ATXN7L1: variants seen among roughly 807,000 people sequenced by gnomAD.
The protein encoded by ATXN7L1 is ataxin 7 like 1.
A neutral mutation model predicts 70.8 loss-of-function variants in ATXN7L1; 15 were observed. The observed-to-expected ratio is 0.21, with a 90% CI of 0.14 to 0.33. ATXN7L1 has a LOEUF of 0.33. Among genes scored for constraint, ATXN7L1 ranks in the 10% least tolerant of loss-of-function variants. ATXN7L1 has a pLI of 1.00. For synonymous variants in ATXN7L1, 440 were observed against 445.1 expected, an observed-to-expected ratio of 0.99 and a Z score of 0.14; for missense variants, 975 against 1,097.1, an observed-to-expected ratio of 0.89 and a Z score of 1.57.
chr7:105,797,137 G>A (rs1180167889), intron 2 of ATXN7L1, among the ~76,000 whole-genome samples: 3 of 152,196 alleles, frequency 2.0e-5, no homozygotes, highest in East Asian at 3.9e-4. Flanking sequence ...GCGTGCAGGC[G>A]GCAGCAGCAA....
chr7:105,834,662 T>C (rs1195862689), intron 2 of ATXN7L1, among the ~76,000 whole-genome samples: 2 of 152,190 alleles, frequency 1.3e-5, no homozygotes, highest in Non-Finnish European at 2.9e-5. Context: ...TCTGTAAGTT[T>C]CTTGAGAGAG....
intron 2 of ATXN7L1, among the ~76,000 whole-genome samples, chr7:105,824,621 GAGT>G (rs1157036657): frequency 1.3e-5 from 2 of 152,070 alleles, no homozygotes; most frequent in Non-Finnish European, 2.9e-5. Flanking sequence ...GAAACTGATA[GAGT>G]TTTAGAATCC....
intron 3 of ATXN7L1, among the ~76,000 whole-genome samples, chr7:105,717,068 G>T (rs1783294813): frequency 6.6e-6 from 1 of 152,040 alleles, no homozygotes; most frequent in Non-Finnish European, 1.5e-5. Context: ...ATCATACTAA[G>T]CATTGTTTTA....
chr7:105,755,135 T>C lies in ATXN7L1; in HGVS notation c.355+33469A>G, dbSNP rs558276142. Among the ~76,000 whole-genome samples the C allele has an allele frequency of 2.6e-5, 4 of 152,334 alleles. No individual in the cohort carries two copies. In the East Asian group the frequency reaches 7.7e-4, roughly 29 times the overall value. On this transcript the variant is annotated intron_variant, in intron 3 of 11. Coordinates refer to ENST00000419735, the MANE Select transcript of ATXN7L1 (RefSeq NM_020725.2). ...CGCCGGTTTCCAGAGTCATACTCTT[T>C]ATGGTTTTACCCTCTTTTGGAACTC...
intron 3 of ATXN7L1, among the ~76,000 whole-genome samples, chr7:105,725,582 CCT>C (rs1795707356): frequency 7.2e-6 from 1 of 138,264 alleles, no homozygotes; most frequent in Non-Finnish European, 1.5e-5. Flanking sequence ...ATTTCCATTT[CCT>C]TTTTTTTTTT....
Position 105,710,325 on chromosome 7 carries a change from A to G in ATXN7L1, c.356-45037T>C, listed in dbSNP as rs543072340. On this transcript the variant is annotated intron_variant, in intron 3 of 11. Transcript: ENST00000419735. Reference sequence around the variant, plus strand: ...CTCAGGAAACTTACAATCATGGTAGAAGGTGAAGGGGAAGCAAGCACGTCT... The same window carrying G: ...CTCAGGAAACTTACAATCATGGTAGGAGGTGAAGGGGAAGCAAGCACGTCT... Among the ~76,000 whole-genome samples, 3 of 152,134 alleles carry G rather than the reference A, an allele frequency of 2.0e-5. No individual in the cohort carries two copies. In the East Asian group the frequency reaches 5.8e-4, roughly 29 times the overall value.
chr7:105,772,560 A>G (rs1802163371), intron 3 of ATXN7L1, among the ~76,000 whole-genome samples: 1 of 152,232 alleles, frequency 6.6e-6, no homozygotes, highest in Admixed American at 6.5e-5. Context: ...AAGCATTAAT[A>G]GGCACAAAGA....
At chr7:105,820,268 C>G (rs1028471901) in intron 2 of ATXN7L1, among the ~76,000 whole-genome samples, 1 of 151,858 alleles carries the variant, frequency 6.6e-6, no homozygotes, top group Non-Finnish European at 1.5e-5. Flanking sequence ...CAAAGTGTAC[C>G]TATCACCAGC....
At chr7:105,779,449 A>T (rs886697766) in intron 3 of ATXN7L1, among the ~76,000 whole-genome samples, 24 of 152,210 alleles carry the variant, frequency 1.6e-4, no homozygotes, top group African/African-American at 5.8e-4. Context: ...AAATATAAAA[A>T]CTTGAAGTGA....
intron 2 of ATXN7L1, among the ~76,000 whole-genome samples, chr7:105,824,944 A>T (rs1174679438): frequency 6.6e-6 from 1 of 151,474 alleles, no homozygotes; most frequent in Non-Finnish European, 1.5e-5. Flanking sequence ...ACAAAAAAAT[A>T]AAAAAAACAA....
intron 4 of ATXN7L1, among the ~76,000 whole-genome samples, chr7:105,652,183 G>A (rs143661875): frequency 6.6e-6 from 1 of 152,322 alleles, no homozygotes; most frequent in Non-Finnish European, 1.5e-5. Context: ...TGCACAGGCT[G>A]CCTTTGGGAC....
chr7:105,679,100 G>A (rs1244380236), intron 3 of ATXN7L1: 6 of 986,074 alleles, frequency 6.1e-6, no homozygotes, highest in Non-Finnish European at 7.2e-6. Flanking sequence ...GCTGACACAC[G>A]CTGGGCAACG....
At chr7:105,649,664 C>A in intron 4 of ATXN7L1, 2 of 758,808 alleles carry the variant, frequency 2.6e-6, no homozygotes, top group Non-Finnish European at 3.2e-6. Flanking sequence ...TCCTGGTGAT[C>A]ATGATCTATA....
At chr7:105,685,393 C>T (rs1806058558) in intron 3 of ATXN7L1, among the ~76,000 whole-genome samples, 3 of 152,318 alleles carry the variant, frequency 2.0e-5, no homozygotes, top group East Asian at 1.9e-4. Context: ...TGGCAGAGAC[C>T]TCCCTGTGAA....
At chr7:105,625,702 C>G (rs1031682444) in intron 7 of ATXN7L1, among the ~76,000 whole-genome samples, 3 of 152,236 alleles carry the variant, frequency 2.0e-5, no homozygotes, top group Admixed American at 6.5e-5. Flanking sequence ...TATGGTTAAG[C>G]TTATAAAAAA....
At chr7:105,689,856 C>T (rs1220148140) in intron 3 of ATXN7L1, among the ~76,000 whole-genome samples, 1 of 152,208 alleles carries the variant, frequency 6.6e-6, no homozygotes, top group Non-Finnish European at 1.5e-5. Flanking sequence ...CAAAGCCAGG[C>T]TTTTCCTACT....
intron 3 of ATXN7L1, among the ~76,000 whole-genome samples, chr7:105,786,155 G>A (rs1804268367): frequency 6.6e-6 from 1 of 152,210 alleles, no homozygotes; most frequent in South Asian, 2.1e-4. Context: ...TTGTGATCAT[G>A]TCCCCATTGC....
chr7:105,631,157 T>C (rs962853225), intron 7 of ATXN7L1, among the ~76,000 whole-genome samples: 1 of 152,170 alleles, frequency 6.6e-6, no homozygotes, highest in Non-Finnish European at 1.5e-5. Flanking sequence ...TGTATGGTAA[T>C]GTATGTTTTC....
chr7:105,624,797 C>T (rs953092839), intron 7 of ATXN7L1, among the ~76,000 whole-genome samples: 12 of 152,184 alleles, frequency 7.9e-5, no homozygotes, highest in Admixed American at 7.9e-4. Context: ...TTAGGTTCTG[C>T]CCCACTTGTT....
Sources: gnomAD v4.1 joint callset for allele counts (sites outside exome capture counted in the v4.1 genomes callset) on GRCh38, gnomAD v4.1.1 for gene constraint, MANE v1.5 for transcripts, NCBI Gene and HGNC (gene_info 2026-07-23, HGNC 2026-07-21) for gene names.